The following QARS1 variants were observed in gnomAD, a reference collection of about 807,000 sequenced individuals.
QARS1 encodes the protein glutaminyl-tRNA synthetase 1.
In QARS1, 79 loss-of-function variants were observed where a neutral mutation model predicts 106.9. The observed-to-expected ratio is 0.74, with a 90% confidence interval of 0.62 to 0.89. QARS1 has a LOEUF of 0.89. Ranked by LOEUF, QARS1 falls within the 40% of genes least tolerant of loss-of-function variation. The pLI is 0.00. For synonymous variants in QARS1, 395 were observed against 367.7 expected (o/e 1.07, Z -0.85); for missense variants, 966 against 997.2 (o/e 0.97, Z 0.42).
At position 49,101,203 on chromosome 3, in the gene QARS1, C is replaced by T. The variant is rs1293466850; in HGVS notation, c.876+152G>A. 15 of 636,290 alleles carry T rather than the reference C, an allele frequency of 2.4e-5. No homozygotes were observed. In the Admixed American group the frequency reaches 3.5e-4, roughly 15 times the overall value. 39.4% of individuals were successfully genotyped at this position (636,290 alleles called of 1,614,324 possible). On this transcript the variant is annotated intron_variant, in intron 10 of 23. Transcript: ENST00000306125. The stretch of plus-strand genomic sequence containing the variant: ...TTTATTCCAATAAGCTCAATAGATT[C>T]CTAGGTATCTGTCACACATGTGGTT...
rs2042423699 is a variant in QARS1, at chr3:49,098,624, G to A, written c.1932C>T (p.Val644=). ...QPVGLRHTGY[V]IELQHVVKGP... ...CCTTGACAACATGCTGCAGCTCAAT[G>A]ACGTAGCCTGTATGCCTCAGGCCCA... The change falls in exon 20 of 24, where the codon GTC becomes GTT. Residue 644 remains valine (V), a synonymous_variant. Transcript: ENST00000306125. 6.2e-7 allele frequency: 1 copy of A among 1,612,076 alleles called. No individual in the cohort carries two copies. The highest frequency in any genetic ancestry group is 8.5e-7 in the Non-Finnish European group (1 of 1,179,022).
Position 49,101,664 on chromosome 3 carries a change from TGTGTGGA to T in QARS1, c.738_744del (p.His248Ter). On this transcript the variant is annotated frameshift_variant, in exon 9 of 24. Transcript: ENST00000306125. LOFTEE classifies it high-confidence loss of function. ...AGGTGCTGCTTTAGTAGATTCATGG[TGTGTGGA>T]GTGACCACATAGCCTGGGGTCTTGT... 2 of 1,613,986 alleles carry T rather than the reference TGTGTGGA, an allele frequency of 1.2e-6. No individual in the cohort carries two copies. The highest frequency in any genetic ancestry group is 1.7e-6 in the Non-Finnish European group (2 of 1,180,004).
At chr3:49,102,378 T>TCA in intron 6 of QARS1, 41 bp downstream of exon 6, 1 of 1,612,954 alleles carries the variant, frequency 6.2e-7, no homozygotes, top group Non-Finnish European at 8.5e-7. Context: ...TCACCATACC[T>TCA]CACCTCACCC....
intron 23 of QARS1, 116 bp from the exon 24 acceptor site, chr3:49,096,195 G>A (rs2042388273): frequency 1.1e-5 from 12 of 1,106,990 alleles, no homozygotes; most frequent in Admixed American, 9.1e-5. Context: ...AGAAGCCGAG[G>A]GACTAAGGGT....
intron 15 of QARS1, 34 bp from the exon 16 acceptor site, chr3:49,099,681 C>G (rs897069830): frequency 6.2e-7 from 1 of 1,612,204 alleles, no homozygotes; most frequent in African/African-American, 1.3e-5. Context: ...CACTGGCCAG[C>G]TCTGGAACCA....
chr3:49,103,441 G>C, intron 4 of QARS1, 32 bp from the exon 5 acceptor site: 1 of 1,612,036 alleles, frequency 6.2e-7, no homozygotes, highest in Middle Eastern at 1.7e-4. Flanking sequence ...GCTGCAGAAA[G>C]GCAAAAAAGA....
At position 49,095,974 on chromosome 3, in the gene QARS1, G is replaced by A. The variant is rs2042383768; in HGVS notation, c.*55C>T. ...GTTCTTTATTGACATGGAATTTGGG[G>A]TGGCGAGGGTAGCCACACCCTCCAG... On this transcript the variant is annotated 3_prime_UTR_variant, in exon 24 of 24. Transcript: ENST00000306125. The A allele has an allele frequency of 5.2e-6, 8 of 1,527,722 alleles. No individual in the cohort carries two copies. The Admixed American group carries it at 1.4e-4, about 27-fold the overall frequency. The allele number at this position is 1,527,722 out of a possible 1,614,324, so 94.6% of individuals were successfully genotyped here.
intron 2 of QARS1, 121 bp downstream of exon 2, chr3:49,104,203 C>T: frequency 2.1e-6 from 3 of 1,435,092 alleles, no homozygotes; most frequent in Non-Finnish European, 2.9e-6. Flanking sequence ...TTCCATGCCT[C>T]AGTGCCTGTG....
Position 49,099,345 on chromosome 3 carries a change from C to T in QARS1, c.1613G>A (p.Arg538Gln), listed in dbSNP as rs778807845. The T allele has an allele frequency of 8.0e-5, 129 of 1,614,032 alleles. No homozygotes were observed. In the East Asian group the frequency reaches 2.3e-3, roughly 29 times the overall value. Reference protein sequence around the residue: ...PPEAINNFCARVGVTVAQTTM... With the variant: ...PPEAINNFCAQVGVTVAQTTM... Reference sequence around the variant, plus strand: ...TCTACCCAACCTGCTGGGCTATACCCGGGCACAGAAGTTGTTGATGGCCTC... The same window carrying T: ...TCTACCCAACCTGCTGGGCTATACCTGGGCACAGAAGTTGTTGATGGCCTC... The change falls in exon 17 of 24, where the codon CGG (arginine) becomes CAG (glutamine). Residue 538 changes from arginine (R) to glutamine (Q), a missense_variant and splice_region_variant. Physicochemically the swap from Arg to Gln is conservative, Grantham distance 43 (BLOSUM62 1). Coordinates refer to ENST00000306125, the MANE Select transcript of QARS1 (RefSeq NM_005051.3).
Position 49,103,947 on chromosome 3 carries a change from G to A in QARS1, c.291C>T (p.His97=). The change falls in exon 3 of 24, where the codon CAC becomes CAT. Residue 97 remains histidine (H), a synonymous_variant. Transcript: ENST00000306125. ...CCACAGTGTCGATGGGGTCCAAGGG[G>A]TGACTCCGCACATACTCAAGGGCAG... ...LSAALEYVRS[H]PLDPIDTVDF... is the part of the protein sequence containing the mutation. 3 of 1,613,962 alleles carry A rather than the reference G, an allele frequency of 1.9e-6. No homozygotes were observed. In the South Asian group the frequency reaches 3.3e-5, roughly 18 times the overall value.
intron 1 of QARS1, 28 bp from the exon 2 acceptor site, chr3:49,104,499 C>T (rs2042513125): frequency 2.5e-6 from 4 of 1,611,920 alleles, no homozygotes; most frequent in Non-Finnish European, 3.4e-6. Context: ...AAGAGAGAAG[C>T]CCCGCGCTCA....
chr3:49,098,970 G>A lies in QARS1; in HGVS notation c.1778C>T (p.Pro593Leu), dbSNP rs923115953. The change falls in exon 19 of 24, where the codon CCC becomes CTC. Residue 593 changes from proline (P) to leucine (L), a missense_variant. By Grantham distance (98) the Pro-to-Leu change is moderately conservative. Transcript: ENST00000306125. ...PAAKSLDIQV[P>L]NFPADETKGF... ...TTTGGTCTCATCAGCTGGGAAGTTGGGCACCTGGATGTCCAAGGACTATAG... is the reference window on the plus strand; with the variant it reads ...TTTGGTCTCATCAGCTGGGAAGTTGAGCACCTGGATGTCCAAGGACTATAG... 1.9e-6 allele frequency: 3 copies of A among 1,613,946 alleles called. No homozygotes were observed. In the African/African-American group the frequency reaches 4.0e-5, roughly 22 times the overall value.
chr3:49,096,998 A>G (rs2042401851), intron 23 of QARS1: 1 of 150,526 alleles, frequency 6.6e-6, no homozygotes. Flanking sequence ...AAAAGAAAAA[A>G]AAAAAAAAAA....
At chr3:49,102,590 C>A in intron 5 of QARS1, 118 bp from the exon 6 acceptor site, 1 of 1,043,450 alleles carries the variant, frequency 9.6e-7, no homozygotes, top group Non-Finnish European at 1.5e-6. Context: ...ACTGAAAAAA[C>A]CTACCTAGCC....
chr3:49,102,425 C>A lies in QARS1; in HGVS notation c.564G>T (p.Lys188Asn). 6.2e-7 allele frequency: 1 copy of A among 1,614,144 alleles called. No individual in the cohort carries two copies. The highest frequency in any genetic ancestry group is 2.2e-5 in the East Asian group (1 of 44,880). Reference protein sequence around the residue: ...GPKLEADLEKKFKVAKARLEE... With the variant: ...GPKLEADLEKNFKVAKARLEE... ...GGGCCATGCCCATCCCTACCTTGAA[C>A]TTCTTCTCCAGATCAGCCTCCAACT... The change falls in exon 6 of 24, where the codon AAG (lysine) becomes AAT (asparagine). Residue 188 changes from lysine (K) to asparagine (N), a missense_variant. Lys to Asn is a moderately conservative substitution (Grantham distance 94). Transcript: ENST00000306125.
rs1007163653 is a variant in QARS1 at position 49,104,607 on chromosome 3, G to A, written c.117+10C>T. On this transcript the variant is annotated intron_variant, in intron 1 of 23. Transcript: ENST00000306125. ...TCTGCAAACCAGGCCGGGGGCAGAG[G>A]GGCTCGCACCTGAGTAGCGGCCTCG... is the stretch of plus-strand genomic sequence containing the variant. The A allele has an allele frequency of 3.1e-6, 5 of 1,599,452 alleles. No homozygotes were observed. The highest frequency in any genetic ancestry group is 3.4e-6 in the Non-Finnish European group (4 of 1,169,076).
Position 49,104,716 on chromosome 3 carries a change from G to A in QARS1, c.18C>T (p.Ser6=), listed in dbSNP as rs780349624. 9 of 1,612,798 alleles carry A rather than the reference G, an allele frequency of 5.6e-6. No individual in the cohort carries two copies. Among genetic ancestry groups the A allele is most frequent in the South Asian group, 1.1e-5 (1 of 91,088 alleles). The change falls in exon 1 of 24, where the codon TCC becomes TCT. Residue 6 remains serine, a synonymous_variant. Transcript: ENST00000306125. The part of the protein sequence containing the change: MAALD[S]LSLFTSLGLS... ...GGCCGAGGCTAGTGAAGAGCGACAGGGAGTCTAGAGCCGCCATTGCAGAGA... is the reference window on the plus strand; with the variant it reads ...GGCCGAGGCTAGTGAAGAGCGACAGAGAGTCTAGAGCCGCCATTGCAGAGA...
At chr3:49,103,106 C>T (rs1026847087) in intron 5 of QARS1, among the ~76,000 whole-genome samples, 2 of 152,158 alleles carry the variant, frequency 1.3e-5, no homozygotes, top group South Asian at 4.1e-4. Flanking sequence ...TACAGGTATA[C>T]ACCACCATGT....
intron 2 of QARS1, 134 bp downstream of exon 2, chr3:49,104,190 C>T: frequency 7.4e-7 from 1 of 1,358,346 alleles, no homozygotes; most frequent in South Asian, 1.2e-5. Flanking sequence ...CATAGGCCAC[C>T]CCTTCCATGC....
Sources: gnomAD v4.1 joint callset for allele counts (sites outside exome capture counted in the v4.1 genomes callset) on GRCh38, gnomAD v4.1.1 for gene constraint, MANE v1.5 for transcripts, NCBI Gene and HGNC (gene_info 2026-07-23, HGNC 2026-07-21) for gene names.